The following ZNF385D variants were observed in gnomAD, a reference collection of about 807,000 sequenced individuals.
The protein encoded by ZNF385D is zinc finger protein 659.
A neutral mutation model predicts 35.8 loss-of-function variants in ZNF385D; 15 were observed. The ratio of observed to expected loss-of-function variants is 0.42; its 90% CI spans 0.28 to 0.64. ZNF385D has a LOEUF of 0.64. ZNF385D is among the 30% of genes least tolerant of loss of function. The pLI, the probability that ZNF385D is intolerant of heterozygous loss-of-function variation, is 0.23. For synonymous variants in ZNF385D, 212 were observed against 186.8 expected (o/e 1.13, Z -1.10); for missense variants, 474 against 494.6 (o/e 0.96, Z 0.39).
chr3:22,030,485 GAGAGAA>G (rs1697931584), intron 3 of ZNF385D, among the ~76,000 whole-genome samples: 1 of 150,906 alleles, frequency 6.6e-6, no homozygotes, highest in East Asian at 2.0e-4. Flanking sequence ...GAGACACAGA[GAGAGAA>G]AGAGAGTGAG....
At chr3:21,570,236 T>C (rs1310238487) in intron 2 of ZNF385D, among the ~76,000 whole-genome samples, 3 of 152,190 alleles carry the variant, frequency 2.0e-5, no homozygotes, top group Non-Finnish European at 2.9e-5. Context: ...AATGAATATG[T>C]TTTTCTTCAT....
Position 21,421,115 on chromosome 3 carries a change from T to C in ZNF385D, c.*99A>G, listed in dbSNP as rs985223392. 2.6e-5 allele frequency: 20 copies of C among 759,926 alleles called. 1 individual carries two copies. The highest frequency in any genetic ancestry group is 7.4e-5 in the African/African-American group (4 of 53,752). 47.1% of individuals were successfully genotyped at this position (759,926 alleles called of 1,614,324 possible). ...ATCAAAAGTCCTGGCTCTTCAGATA[T>C]ACTTTAAACTATAAATAAACACTGC... On this transcript the variant is annotated 3_prime_UTR_variant, in exon 8 of 8. Coordinates refer to ENST00000281523, the MANE Select transcript of ZNF385D (RefSeq NM_024697.3).
rs78569113 is a variant in ZNF385D at position 21,623,490 on chromosome 3, G to T, written c.165+41396C>A. On this transcript the variant is annotated intron_variant, in intron 2 of 7. Coordinates refer to ENST00000281523, the MANE Select transcript of ZNF385D (RefSeq NM_024697.3). ...AGACCAGTCTTTACAAGAAAATCAA[G>T]AAATTATCCAGGCATGATGGTGCAT... is the stretch of plus-strand genomic sequence containing the variant. 6.1e-3 allele frequency among the ~76,000 whole-genome samples: 931 copies of T among 151,966 alleles called. 9 individuals carry two copies. Among genetic ancestry groups the T allele is most frequent in the African/African-American group, 0.02 (849 of 41,462 alleles).
chr3:22,069,132 A>G (rs1244953575), intron 3 of ZNF385D, among the ~76,000 whole-genome samples: 2 of 152,210 alleles, frequency 1.3e-5, no homozygotes, highest in Non-Finnish European at 2.9e-5. Flanking sequence ...AAAAATTAAC[A>G]TTTTAATAGA....
At chr3:21,485,845 T>C (rs1704991504) in intron 4 of ZNF385D, among the ~76,000 whole-genome samples, 1 of 152,098 alleles carries the variant, frequency 6.6e-6, no homozygotes, top group Non-Finnish European at 1.5e-5. Context: ...AGAAACCTAA[T>C]GTCTGAGTCC....
chr3:22,283,994 T>C (rs887572604), intron 2 of ZNF385D, among the ~76,000 whole-genome samples: 1 of 152,120 alleles, frequency 6.6e-6, no homozygotes, highest in Admixed American at 6.6e-5. Flanking sequence ...CCTTTTATGA[T>C]GTGGCTGGTG....
At chr3:22,198,529 T>G (rs1696572760) in intron 2 of ZNF385D, among the ~76,000 whole-genome samples, 1 of 152,108 alleles carries the variant, frequency 6.6e-6, no homozygotes, top group Non-Finnish European at 1.5e-5. Context: ...TTTCTAATAT[T>G]ATTGAATTGT....
intron 2 of ZNF385D, among the ~76,000 whole-genome samples, chr3:22,311,596 G>A (rs1043227016): frequency 7.2e-5 from 11 of 152,030 alleles, no homozygotes; most frequent in African/African-American, 2.2e-4. Flanking sequence ...ATTTCTAAAC[G>A]TAAAGATGTA....
chr3:22,177,295 CT>C (rs1417021439), intron 2 of ZNF385D, among the ~76,000 whole-genome samples: 1 of 152,146 alleles, frequency 6.6e-6, no homozygotes. Context: ...TACTTTGGAT[CT>C]AAAACAGCTT....
At chr3:22,200,560 G>A (rs1696719866) in intron 2 of ZNF385D, among the ~76,000 whole-genome samples, 1 of 152,188 alleles carries the variant, frequency 6.6e-6, no homozygotes, top group Admixed American at 6.6e-5. Flanking sequence ...TTCTAATGAA[G>A]TTTTGGGCAC....
At chr3:22,165,387 A>G (rs1706246809) in intron 3 of ZNF385D, among the ~76,000 whole-genome samples, 1 of 152,208 alleles carries the variant, frequency 6.6e-6, no homozygotes, top group Non-Finnish European at 1.5e-5. Context: ...CTGTGGAAAG[A>G]TGACAGTTTA....
chr3:21,620,181 G>T (rs1168912556), intron 2 of ZNF385D, among the ~76,000 whole-genome samples: 1 of 152,188 alleles, frequency 6.6e-6, no homozygotes, highest in Non-Finnish European at 1.5e-5. Flanking sequence ...ACCAGAAATA[G>T]TCAGCGATCT....
chr3:22,032,094 C>T (rs1472850389), intron 3 of ZNF385D, among the ~76,000 whole-genome samples: 1 of 152,202 alleles, frequency 6.6e-6, no homozygotes, highest in African/African-American at 2.4e-5. Flanking sequence ...TGAGACCACC[C>T]CAGCTGGGAC....
At chr3:22,192,945 A>G (rs750454550) in intron 2 of ZNF385D, among the ~76,000 whole-genome samples, 3 of 152,166 alleles carry the variant, frequency 2.0e-5, no homozygotes, top group Non-Finnish European at 4.4e-5. Context: ...TACCTTGACT[A>G]AGAAATAAAA....
chr3:21,721,408 A>G (rs1174689207), intron 1 of ZNF385D, among the ~76,000 whole-genome samples: 1 of 152,084 alleles, frequency 6.6e-6, no homozygotes, highest in African/African-American at 2.4e-5. Context: ...CATGGTTATA[A>G]AAAGAAATAG....
intron 3 of ZNF385D, among the ~76,000 whole-genome samples, chr3:21,883,360 A>G (rs1051966721): frequency 3.0e-4 from 45 of 152,044 alleles, no homozygotes; most frequent in African/African-American, 9.9e-4. Context: ...TAAAAATAAA[A>G]CTAAATGATT....
intron 3 of ZNF385D, among the ~76,000 whole-genome samples, chr3:22,128,913 G>A (rs576014544): frequency 1.3e-5 from 2 of 152,094 alleles, no homozygotes; most frequent in Admixed American, 6.6e-5. Context: ...AGAAGAACTA[G>A]GTATTTATTC....
rs370223825 is a variant in ZNF385D, at chr3:22,224,111, G to T, written c.107-55076C>A. Among the ~76,000 whole-genome samples the T allele has an allele frequency of 4.6e-5, 7 of 152,116 alleles. No homozygotes were observed. The East Asian group carries it at 1.3e-3, about 29-fold the overall frequency. ...TTTTGAGGCAGTCAAAGATAAACTG[G>T]TCATGAATTTGACCCTCAAAAGAAA... On this transcript the variant is annotated intron_variant, in intron 2 of 5. Transcript: ENST00000494108.
chr3:22,366,819 T>C (rs1161185862), intron 2 of ZNF385D, among the ~76,000 whole-genome samples: 1 of 152,150 alleles, frequency 6.6e-6, no homozygotes, highest in Admixed American at 6.6e-5. Flanking sequence ...GCAAATATAA[T>C]TGTCCTTACA....
Sources: allele counts gnomAD v4.1 joint callset (sites outside exome capture counted in the v4.1 genomes callset), GRCh38; gene constraint gnomAD v4.1.1; transcripts MANE v1.5; gene names NCBI Gene and HGNC (gene_info 2026-07-23, HGNC 2026-07-21).